GRIA3: variants seen among roughly 807,000 people sequenced by gnomAD.
GRIA3 encodes glutamate ionotropic receptor AMPA type subunit 3, also known as glutamate receptor 3.
A neutral mutation model predicts 63.0 loss-of-function variants in GRIA3; 3 were observed. The ratio of observed to expected loss-of-function variants is 0.05; its 90% confidence interval spans 0.02 to 0.12. GRIA3 has a LOEUF of 0.12. Ranked by LOEUF, GRIA3 falls within the 10% of genes least tolerant of loss-of-function variation. The pLI, the probability that GRIA3 is intolerant of heterozygous loss-of-function variation, is 1.00. For missense variants in GRIA3, 347 were observed against 700.9 expected (o/e 0.50, Z 5.70); for synonymous variants, 274 against 257.9 (o/e 1.06, Z -0.60).
rs754551521 is a variant in GRIA3, at chrX:123,472,049, C to CACT, written c.2324+6938_2324+6940dup. Among the ~76,000 whole-genome samples the CACT allele has an allele frequency of 6.4e-5, 4 of 62,565 alleles. No homozygotes were observed. The South Asian group carries it at 4.2e-3, about 66-fold the overall frequency. 54.3% of individuals were successfully genotyped at this position (62,565 alleles called of 115,157 possible). On this transcript the variant is annotated intron_variant, in intron 13 of 15. Transcript: ENST00000620443. ...ACTATTTGTATGTCCTGTCTAACAT[C>CACT]ACTGCTGGAAGGGCAGATGTGATGT...
At chrX:123,338,736 G>C (rs1259539601) in intron 4 of GRIA3, among the ~76,000 whole-genome samples, 1 of 111,162 alleles carries the variant, frequency 9.0e-6, no homozygotes, top group African/African-American at 3.3e-5. Flanking sequence ...ATTTTTAGTA[G>C]AGACGGGGTT....
intron 4 of GRIA3, among the ~76,000 whole-genome samples, chrX:123,333,591 G>A (rs1205108492): frequency 8.9e-6 from 1 of 111,943 alleles, no homozygotes; most frequent in Admixed American, 9.5e-5. Flanking sequence ...GTATGTAAAT[G>A]CTGATAGAAT....
chrX:123,326,284 C>A, intron 4 of GRIA3, 71 bp downstream of exon 4: 1 of 843,273 alleles, frequency 1.2e-6, no homozygotes, highest in Non-Finnish European at 1.7e-6. Context: ...CCCATATCTG[C>A]TAATAAATTA....
At chrX:123,314,030 T>A (rs2044815253) in intron 3 of GRIA3, among the ~76,000 whole-genome samples, 1 of 110,865 alleles carries the variant, frequency 9.0e-6, no homozygotes, top group South Asian at 3.9e-4. Context: ...TAATCATGCA[T>A]AAGGCCTTCC....
At chrX:123,227,808 C>T (rs2044255800) in intron 2 of GRIA3, among the ~76,000 whole-genome samples, 1 of 112,044 alleles carries the variant, frequency 8.9e-6, no homozygotes, top group South Asian at 3.7e-4. Context: ...TGTGTAGTTT[C>T]TTCTGTAGTA....
At chrX:123,433,816 T>C (rs1158828322) in intron 12 of GRIA3, among the ~76,000 whole-genome samples, 1 of 112,082 alleles carries the variant, frequency 8.9e-6, no homozygotes, top group Non-Finnish European at 1.9e-5. Flanking sequence ...ACAGGTATTG[T>C]AAGCCCTGTG....
At chrX:123,464,759 G>GT in intron 12 of GRIA3, 106 bp from the exon 13 acceptor site, 1 of 721,009 alleles carries the variant, frequency 1.4e-6, no homozygotes, top group East Asian at 3.3e-5. Flanking sequence ...AGTGTAACGT[G>GT]TTTTTTATTA....
chrX:123,282,931 A>G (rs1193511405), intron 3 of GRIA3, among the ~76,000 whole-genome samples: 1 of 111,943 alleles, frequency 8.9e-6, no homozygotes, highest in Non-Finnish European at 1.9e-5. Context: ...GACAGATTAA[A>G]AATGAAAACA....
chrX:123,465,844 C>A, intron 13 of GRIA3: 1 of 815,954 alleles, frequency 1.2e-6, no homozygotes, highest in Non-Finnish European at 1.9e-6. Flanking sequence ...ATCGGCAAGA[C>A]TGTTATCTTA....
chrX:123,287,097 A>G (rs929849310), intron 3 of GRIA3, among the ~76,000 whole-genome samples: 1 of 112,025 alleles, frequency 8.9e-6, no homozygotes, highest in Non-Finnish European at 1.9e-5. Flanking sequence ...CTGGGATGCA[A>G]AGCTGATTCA....
In GRIA3 at chrX:123,387,962, T is replaced by C. The variant is rs145392311; in HGVS notation, c.751-7006T>C. ...GCATCATAGAATGAGTTAGGGAGAA[T>C]TCCCTCCCCTTGATATTTTTGGAAT... On this transcript the variant is annotated intron_variant, in intron 5 of 15. Coordinates refer to ENST00000620443, the MANE Select transcript of GRIA3 (RefSeq NM_007325.5). Among the ~76,000 whole-genome samples, 460 of 112,134 alleles carry C rather than the reference T, an allele frequency of 4.1e-3. 5 individuals carry two copies. Among genetic ancestry groups the C allele is most frequent in the African/African-American group, 0.014 (437 of 30,881 alleles).
intron 13 of GRIA3, among the ~76,000 whole-genome samples, chrX:123,475,940 C>G (rs2045884859): frequency 9.0e-6 from 1 of 111,642 alleles, no homozygotes; most frequent in Non-Finnish European, 1.9e-5. Flanking sequence ...AGTTGCTGCA[C>G]AGGTTTGTGC....
At chrX:123,374,993 G>A (rs1311677917) in intron 5 of GRIA3, among the ~76,000 whole-genome samples, 1 of 111,334 alleles carries the variant, frequency 9.0e-6, no homozygotes, top group African/African-American at 3.3e-5. Context: ...ATGAAAGTGG[G>A]CATCCTTGTC....
chrX:123,454,836 C>T (rs1056464946), intron 12 of GRIA3, among the ~76,000 whole-genome samples: 2 of 111,723 alleles, frequency 1.8e-5, no homozygotes, highest in Admixed American at 1.9e-4. Context: ...TATTTTCAAC[C>T]CATTGGAATA....
rs192759825 is a variant in GRIA3, at chrX:123,369,169, G to A, written c.750+14206G>A. Among the ~76,000 whole-genome samples the A allele has an allele frequency of 3.3e-4, 37 of 111,830 alleles. 1 individual carries two copies. Among genetic ancestry groups the A allele is most frequent in the Non-Finnish European group, 6.4e-4 (34 of 53,204 alleles). On this transcript the variant is annotated intron_variant, in intron 5 of 15. Transcript: ENST00000620443. ...CTGTTGATTTAATGTCTTAACAGAGGTTTTATGTGGATTCTTCCTCAATTT... is the reference window on the plus strand; with the variant it reads ...CTGTTGATTTAATGTCTTAACAGAGATTTTATGTGGATTCTTCCTCAATTT...
In GRIA3 at chrX:123,485,038, T is replaced by C. The variant is rs372181114; in HGVS notation, c.*2+1992T>C. Among the ~76,000 whole-genome samples, 62 of 112,681 alleles carry C rather than the reference T, an allele frequency of 5.5e-4. 8 individuals carry two copies. The highest frequency in any genetic ancestry group is 4.6e-3 in the Admixed American group (49 of 10,705). ...TTCATCTGTAATTGCATTGTTTGCA[T>C]GCAAGCATTTAATGTTTCAATGTGC... On this transcript the variant is annotated intron_variant, in intron 15 of 15. Transcript: ENST00000620443.
At chrX:123,245,291 G>A (rs1420241509) in intron 2 of GRIA3, among the ~76,000 whole-genome samples, 1 of 111,547 alleles carries the variant, frequency 9.0e-6, no homozygotes, top group Non-Finnish European at 1.9e-5. Flanking sequence ...AGTTCGTGAT[G>A]CCTTGAGGGC....
chrX:123,424,108 C>A (rs768538210), intron 11 of GRIA3, among the ~76,000 whole-genome samples: 1 of 112,126 alleles, frequency 8.9e-6, no homozygotes, highest in South Asian at 3.7e-4. Flanking sequence ...ACCTTGAAAT[C>A]TGTCTTGTGC....
intron 5 of GRIA3, among the ~76,000 whole-genome samples, chrX:123,367,444 T>G (rs946386835): frequency 2.7e-5 from 3 of 109,663 alleles, no homozygotes; most frequent in Non-Finnish European, 5.7e-5. Context: ...TTTTTTGTTT[T>G]TTGTTTTTTT....
Sources: gnomAD v4.1 joint callset for allele counts (sites outside exome capture counted in the v4.1 genomes callset) on GRCh38, gnomAD v4.1.1 for gene constraint, MANE v1.5 for transcripts, NCBI Gene and HGNC (gene_info 2026-07-23, HGNC 2026-07-21) for gene names.